The following ADAMTSL1 variants were observed in gnomAD, a reference collection of about 807,000 sequenced individuals.
The protein encoded by ADAMTSL1 is ADAMTS-like protein 1.
Under a neutral mutation model 201.8 loss-of-function variants are expected in ADAMTSL1, and 126 were observed. That is an observed-to-expected ratio of 0.62 (90% CI 0.54 to 0.72). The LOEUF is 0.72. Ranked by LOEUF, ADAMTSL1 falls within the 30% of genes least tolerant of loss-of-function variation. The probability of loss-of-function intolerance (pLI) is 0.00; values close to 1 mark genes in which losing one functional copy is unlikely to be tolerated. For missense variants in ADAMTSL1, 2,679 were observed against 2,277.8 expected (o/e 1.18, Z -3.59); for synonymous variants, 1,121 against 903.4 (o/e 1.24, Z -4.32).
At chr9:18,441,892 A>T (rs1425358753) in intron 2 of ADAMTSL1, among the ~76,000 whole-genome samples, 1 of 152,202 alleles carries the variant, frequency 6.6e-6, no homozygotes, top group Non-Finnish European at 1.5e-5. Flanking sequence ...GTGCTGCACA[A>T]GTGTGCAGAC....
At chr9:18,157,617 C>G (rs959528726) in intron 1 of ADAMTSL1, among the ~76,000 whole-genome samples, 5 of 152,002 alleles carry the variant, frequency 3.3e-5, no homozygotes, top group African/African-American at 1.2e-4. Context: ...TGTTCTATCT[C>G]ACTTCTTTCA....
chr9:18,865,946 G>A (rs1040870278), intron 23 of ADAMTSL1, among the ~76,000 whole-genome samples: 9 of 151,958 alleles, frequency 5.9e-5, no homozygotes, highest in African/African-American at 1.5e-4. Flanking sequence ...AAACAGAAAA[G>A]AGAGATGCTA....
At chr9:18,468,248 C>T (rs145936141) in intron 2 of ADAMTSL1, among the ~76,000 whole-genome samples, 1,823 of 152,156 alleles carry the variant, frequency 0.012, 24 homozygotes, top group African/African-American at 0.031. Context: ...GATCAAGGAC[C>T]GCAGGTTTGA....
intron 20 of ADAMTSL1, among the ~76,000 whole-genome samples, chr9:18,812,890 C>G (rs900331235): frequency 5.3e-5 from 8 of 151,434 alleles, no homozygotes; most frequent in Non-Finnish European, 1.2e-4. Context: ...ATTTTTATGG[C>G]AATACCATGC....
intron 2 of ADAMTSL1, among the ~76,000 whole-genome samples, chr9:18,434,848 G>T (rs574297999): frequency 6.6e-6 from 1 of 152,206 alleles, no homozygotes; most frequent in East Asian, 1.9e-4. Context: ...TCAGTTCTAG[G>T]TGCTTCTTCA....
chr9:18,091,028 A>G (rs941694809), intron 1 of ADAMTSL1, among the ~76,000 whole-genome samples: 1 of 151,310 alleles, frequency 6.6e-6, no homozygotes, highest in Non-Finnish European at 1.5e-5. Context: ...TCCAACTTGA[A>G]AGAATCTTTA....
In ADAMTSL1 at chr9:18,746,793, AT is replaced by A. The variant is rs1211346266; in HGVS notation, c.2007-6503del. 9.2e-4 allele frequency among the ~76,000 whole-genome samples: 131 copies of A among 142,938 alleles called. 2 individuals are homozygous for A. In the South Asian group the frequency reaches 0.028, roughly 30 times the overall value. The allele number at this position is 142,938 out of a possible 152,430, so 93.8% of individuals were successfully genotyped here. A position where few individuals can be genotyped will look rare whatever the true frequency, so the allele number is the denominator to read the frequency against. On this transcript the variant is annotated intron_variant, in intron 15 of 28. Transcript: ENST00000380548. ...GGAAGGCAAAAAAAAAAAAAAAAAA[AT>A]TCCTCCTTTTGTATAGCTAATACAA...
intron 1 of ADAMTSL1, among the ~76,000 whole-genome samples, chr9:17,974,544 C>T (rs762738502): frequency 6.6e-6 from 1 of 151,970 alleles, no homozygotes. Context: ...CAGCCCCTGG[C>T]AATCACCATT....
chr9:18,674,508 C>G (rs1830023640), intron 9 of ADAMTSL1, among the ~76,000 whole-genome samples: 1 of 151,894 alleles, frequency 6.6e-6, no homozygotes, highest in Non-Finnish European at 1.5e-5. Context: ...CCAGCCAGTG[C>G]TATTTTTATC....
chr9:18,502,958 A>G (rs889142427), intron 1 of ADAMTSL1, among the ~76,000 whole-genome samples: 1 of 152,150 alleles, frequency 6.6e-6, no homozygotes, highest in African/African-American at 2.4e-5. Flanking sequence ...ACAAATGCTT[A>G]TACAATGTAG....
chr9:18,653,335 C>A (rs528393912), intron 7 of ADAMTSL1, among the ~76,000 whole-genome samples: 21 of 152,202 alleles, frequency 1.4e-4, no homozygotes, highest in Non-Finnish European at 2.8e-4. Context: ...AGGAAGGCTA[C>A]AGTCTGCTTT....
chr9:18,361,503 C>T (rs1836517987), intron 2 of ADAMTSL1, among the ~76,000 whole-genome samples: 1 of 152,086 alleles, frequency 6.6e-6, no homozygotes, highest in Non-Finnish European at 1.5e-5. Flanking sequence ...ATCGTAGGTT[C>T]TTGCATTTAA....
chr9:18,531,386 T>TG (rs1456025760), intron 2 of ADAMTSL1, among the ~76,000 whole-genome samples: 2 of 152,202 alleles, frequency 1.3e-5, no homozygotes, highest in Non-Finnish European at 2.9e-5. Flanking sequence ...GTCTTGTCAA[T>TG]GGGACATGCA....
chr9:18,475,765 T>C (rs1207532029), intron 1 of ADAMTSL1, among the ~76,000 whole-genome samples: 3 of 152,132 alleles, frequency 2.0e-5, no homozygotes, highest in African/African-American at 4.8e-5. Flanking sequence ...TTTTTAAGTG[T>C]GTGTTATTTT....
chr9:18,410,424 G>T (rs767984930), intron 2 of ADAMTSL1, among the ~76,000 whole-genome samples: 21 of 152,050 alleles, frequency 1.4e-4, no homozygotes, highest in African/African-American at 4.8e-4. Flanking sequence ...TCCGCCATGT[G>T]TCCATGTATT....
At chr9:18,885,718 C>T (rs975441287) in intron 23 of ADAMTSL1, among the ~76,000 whole-genome samples, 1 of 152,008 alleles carries the variant, frequency 6.6e-6, no homozygotes, top group Admixed American at 6.6e-5. Flanking sequence ...TCTGCTCCTA[C>T]CCTCTCACTA....
chr9:18,463,878 A>C (rs1856705), intron 2 of ADAMTSL1, among the ~76,000 whole-genome samples: 6,035 of 152,302 alleles, frequency 0.04, 379 homozygotes, highest in African/African-American at 0.14. Flanking sequence ...TATACCCAGC[A>C]GTGGAATTGC....
intron 15 of ADAMTSL1, among the ~76,000 whole-genome samples, chr9:18,734,835 C>T (rs1446563570): frequency 6.6e-6 from 1 of 152,110 alleles, no homozygotes; most frequent in Non-Finnish European, 1.5e-5. Flanking sequence ...TTCCAAGAAA[C>T]CTCAGGGCAG....
intron 1 of ADAMTSL1, among the ~76,000 whole-genome samples, chr9:18,062,927 T>C (rs1354914371): frequency 6.6e-6 from 1 of 152,222 alleles, no homozygotes; most frequent in African/African-American, 2.4e-5. Context: ...GTTTCTTGGT[T>C]GTTGAAAAGA....
Sources: allele counts gnomAD v4.1 joint callset (sites outside exome capture counted in the v4.1 genomes callset), GRCh38; gene constraint gnomAD v4.1.1; transcripts MANE v1.5; gene names NCBI Gene and HGNC (gene_info 2026-07-23, HGNC 2026-07-21).